NBPF12: variants seen among roughly 807,000 people sequenced by gnomAD.
NBPF12 encodes the protein NBPF member 12.
A neutral mutation model predicts 146.4 loss-of-function variants in NBPF12; 115 were observed. That is an observed-to-expected ratio of 0.79 (90% CI 0.68 to 0.92). NBPF12 has a LOEUF of 0.92. Among genes scored for constraint, NBPF12 ranks in the 40% least tolerant of loss-of-function variants. The pLI, the probability that NBPF12 is intolerant of heterozygous loss-of-function variation, is 0.00. For missense variants in NBPF12, 1,205 were observed against 1,326.8 expected, an observed-to-expected ratio of 0.91 and a Z score of 1.43; for synonymous variants, 385 against 508.9, an observed-to-expected ratio of 0.76 and a Z score of 3.28.
At chr1:146,983,088 G>C in exon 20 of NBPF12, 1 of 1,578,792 alleles carries the variant, frequency 6.3e-7, no homozygotes, top group Non-Finnish European at 8.6e-7. Flanking sequence ...TGTTGACATA[G>C]GCAGTGAGTA....
chr1:146,981,238 G>C (rs1553887935), intron 19 of NBPF12, among the ~76,000 whole-genome samples: 8 of 128,602 alleles, frequency 6.2e-5, no homozygotes, highest in Admixed American at 1.8e-4. Context: ...ATGTAACTAA[G>C]CTGCACGTTG....
chr1:146,987,585 A>AGT (rs1657856380), intron 25 of NBPF12, among the ~76,000 whole-genome samples: 1 of 151,862 alleles, frequency 6.6e-6, no homozygotes, highest in Non-Finnish European at 1.5e-5. Flanking sequence ...TTTCATGATC[A>AGT]CTGTATGCTG....
In NBPF12 at chr1:146,940,645, A is replaced by G. The variant is rs1269485730; in HGVS notation, c.-822+1663A>G. Among the ~76,000 whole-genome samples the G allele has an allele frequency of 3.9e-5, 6 of 151,946 alleles. 1 individual carries two copies. The highest frequency in any genetic ancestry group is 1.5e-4 in the African/African-American group (6 of 41,272). ...AGAACATTACTATATTGGGGTATAT[A>G]TGTAGAAGTGGCATTGTTGGTTTTA... On this transcript the variant is annotated intron_variant, in intron 1 of 35. Transcript: ENST00000617931.
At chr1:146,962,173 G>C (rs1340926101) in exon 5 of NBPF12, 224 of 1,608,732 alleles carry the variant, frequency 1.4e-4, no homozygotes, top group Non-Finnish European at 1.9e-4. Flanking sequence ...TATGAAGAGT[G>C]TAAAGACCTC....
Position 146,969,555 on chromosome 1 carries a change from G to T in NBPF12, c.1265G>T (p.Gly422Val), listed in dbSNP as rs1204559349. 4.4e-5 allele frequency: 70 copies of T among 1,603,760 alleles called. 1 individual carries two copies. The highest frequency in any genetic ancestry group is 4.2e-4 in the South Asian group (38 of 90,658). Residue 422 changes from glycine to valine, a missense_variant, in exon 11 of 34, where the codon GGG becomes GTG. Gly to Val is a moderately radical substitution (Grantham distance 109). Transcript: ENST00000617844. ...GACCTCCAAGAACAGCTGGCTGAGGGGTGTAGACTGGCACAGCACCTTGTC... is the reference window on the plus strand; with the variant it reads ...GACCTCCAAGAACAGCTGGCTGAGGTGTGTAGACTGGCACAGCACCTTGTC...
intron 7 of NBPF12, 93 bp downstream of exon 10, chr1:146,964,522 G>A (rs1274480754): frequency 3.0e-5 from 48 of 1,579,950 alleles, no homozygotes; most frequent in Admixed American, 1.8e-4. Context: ...TGGGCCAAAA[G>A]CCCGCATTCC....
At chr1:146,960,576 T>C (rs1278082801) in intron 4 of NBPF12, among the ~76,000 whole-genome samples, 1 of 152,044 alleles carries the variant, frequency 6.6e-6, no homozygotes, top group Non-Finnish European at 1.5e-5. Flanking sequence ...AGGCACAGAA[T>C]GACCTGTTTT....
intron 4 of NBPF12, among the ~76,000 whole-genome samples, chr1:146,961,070 C>T (rs1338988399): frequency 6.6e-6 from 1 of 152,058 alleles, no homozygotes; most frequent in African/African-American, 2.4e-5. Flanking sequence ...CCTTTGAACC[C>T]AGCAGGCAGG....
At chr1:146,978,043 T>C (rs1372036380) in intron 18 of NBPF12, among the ~76,000 whole-genome samples, 23 of 151,948 alleles carry the variant, frequency 1.5e-4, no homozygotes, top group South Asian at 1.5e-3. Flanking sequence ...CAGCCTTGCC[T>C]TTGTATTTGG....
Position 146,971,245 on chromosome 1 carries a change from C to T in NBPF12, c.1442C>T (p.Thr481Ile), listed in dbSNP as rs1553886379. 176 of 1,612,318 alleles carry T rather than the reference C, an allele frequency of 1.1e-4. 11 individuals carry two copies. The African/African-American group carries it at 2.2e-3, about 20-fold the overall frequency. ...GACTCACTGGAGGAATGTGCCATCACTTGTTCAAATAGCCACGGCCCTTGT... is the reference window on the plus strand; with the variant it reads ...GACTCACTGGAGGAATGTGCCATCATTTGTTCAAATAGCCACGGCCCTTGT... The change falls in exon 13 of 34, where the codon ACT becomes ATT. Residue 481 changes from threonine (T) to isoleucine (I), a missense_variant. Thr to Ile is a moderately conservative substitution (Grantham distance 89). Coordinates refer to ENST00000617844, the Ensembl canonical transcript of NBPF12.
At chr1:146,960,263 G>T in exon 4 of NBPF12, 1 of 1,406,088 alleles carries the variant, frequency 7.1e-7, no homozygotes, top group South Asian at 1.2e-5. Flanking sequence ...ACCTCAAAGA[G>T]AGATGTTTTC....
chr1:146,976,430 T>G (rs1553887341), intron 16 of NBPF12, among the ~76,000 whole-genome samples: 21 of 127,522 alleles, frequency 1.6e-4, no homozygotes, highest in South Asian at 1.0e-3. Flanking sequence ...GGGGGCATTT[T>G]GTGGTAGGAA....
chr1:146,966,606 A>G, exon 9 of NBPF12: 1 of 1,499,874 alleles, frequency 6.7e-7, no homozygotes, highest in Non-Finnish European at 9.3e-7. Flanking sequence ...AGCAGTTCAG[A>G]AGCCTCAAAG....
At chr1:146,941,596 A>G (rs1654806203) in intron 1 of NBPF12, among the ~76,000 whole-genome samples, 2 of 144,180 alleles carry the variant, frequency 1.4e-5, no homozygotes, top group African/African-American at 2.6e-5. Context: ...TCTACTAAAA[A>G]TACAAAAATT....
At chr1:146,978,640 T>G (rs1657200323) in intron 18 of NBPF12, among the ~76,000 whole-genome samples, 1 of 151,720 alleles carries the variant, frequency 6.6e-6, no homozygotes, top group African/African-American at 2.4e-5. Flanking sequence ...TAAGTCCGTA[T>G]TGCAGCAACA....
chr1:146,957,982 T>A lies in NBPF12; in HGVS notation c.-183-1877T>A, dbSNP rs1176707577. Among the ~76,000 whole-genome samples, 4 of 82,526 alleles carry A rather than the reference T, an allele frequency of 4.8e-5. 1 individual carries two copies. The highest frequency in any genetic ancestry group is 1.8e-4 in the African/African-American group (4 of 22,832). 54.1% of individuals were successfully genotyped at this position (82,526 alleles called of 152,430 possible). A position where few individuals can be genotyped will look rare whatever the true frequency, so the allele number is the denominator to read the frequency against. On this transcript the variant is annotated intron_variant, in intron 2 of 33. Coordinates refer to ENST00000617844, the Ensembl canonical transcript of NBPF12. ...ATATACGTGTATACATGTATATATG[T>A]GTGTGTATATATATATATACATGTG...
At chr1:146,980,069 T>A (rs1657270363) in intron 19 of NBPF12, among the ~76,000 whole-genome samples, 1 of 148,936 alleles carries the variant, frequency 6.7e-6, no homozygotes, top group Non-Finnish European at 1.5e-5. Context: ...CATTATGTAG[T>A]GGCCTTCTTC....
chr1:146,942,866 A>T (rs1377596327), intron 1 of NBPF12, among the ~76,000 whole-genome samples: 7 of 149,920 alleles, frequency 4.7e-5, no homozygotes, highest in Non-Finnish European at 7.4e-5. Flanking sequence ...GTTCACTAAG[A>T]TCTACCTCAA....
intron 10 of NBPF12, 70 bp downstream of exon 13, chr1:146,968,620 G>C: frequency 6.9e-7 from 1 of 1,441,774 alleles, no homozygotes; most frequent in Non-Finnish European, 9.7e-7. Context: ...AGCTCGGTGG[G>C]GAGACTTAAG....
Sources: allele counts gnomAD v4.1 joint callset (sites outside exome capture counted in the v4.1 genomes callset), GRCh38; gene constraint gnomAD v4.1.1; transcripts MANE v1.5; gene names NCBI Gene and HGNC (gene_info 2026-07-23, HGNC 2026-07-21).